Variants in CNTLN observed in about 807,000 individuals in gnomAD.
CNTLN encodes centlein, centrosomal protein.
Under a neutral mutation model 180.0 loss-of-function variants are expected in CNTLN, and 212 were observed. The observed-to-expected ratio is 1.18, with a 90% CI of 1.05 to 1.32. The LOEUF is 1.32. Among genes scored for constraint, CNTLN ranks in the 40% most tolerant of loss-of-function variants. The pLI is 0.00. For missense variants in CNTLN, 2,095 were observed against 1,610.9 expected (o/e 1.30, Z -5.14); for synonymous variants, 722 against 563.1 (o/e 1.28, Z -3.99).
chr9:17,341,474 G>C (rs1480970375), intron 11 of CNTLN, among the ~76,000 whole-genome samples: 1 of 152,152 alleles, frequency 6.6e-6, no homozygotes, highest in Non-Finnish European at 1.5e-5. Flanking sequence ...GGCGGTCTCA[G>C]TTCAATTGCT....
Position 17,394,765 on chromosome 9 carries a change from G to A in CNTLN, c.2311G>A (p.Val771Ile), listed in dbSNP as rs1383246817. ...QVKISELETE[V>I]TSLRRQVAEA... is the part of the protein sequence containing the mutation. The stretch of plus-strand genomic sequence containing the variant: ...AAAAATCAGTGAGCTGGAGACAGAA[G>A]TCACTTCCCTGAGGAGACAAGTGGC... The change falls in exon 15 of 26, where the codon GTC (valine) becomes ATC (isoleucine). Residue 771 changes from valine (V) to isoleucine (I), a missense_variant. Coordinates refer to ENST00000380647, the MANE Select transcript of CNTLN (RefSeq NM_017738.4). 2.5e-6 allele frequency: 4 copies of A among 1,613,972 alleles called. No individual in the cohort carries two copies. Among genetic ancestry groups the A allele is most frequent in the African/African-American group, 2.7e-5 (2 of 75,022 alleles).
At chr9:17,150,788 A>C (rs1818812530) in intron 2 of CNTLN, among the ~76,000 whole-genome samples, 1 of 152,120 alleles carries the variant, frequency 6.6e-6, no homozygotes, top group African/African-American at 2.4e-5. Context: ...GTGAGCATGG[A>C]ATTTTTTTCC....
chr9:17,441,593 CAA>C (rs199758646), intron 18 of CNTLN, among the ~76,000 whole-genome samples: 11 of 90,796 alleles, frequency 1.2e-4, no homozygotes, highest in East Asian at 8.2e-4. Context: ...CGTGTCACTG[CAA>C]AAAAAAAAAA....
chr9:17,363,078 T>C (rs932541542), intron 12 of CNTLN, among the ~76,000 whole-genome samples: 3 of 152,234 alleles, frequency 2.0e-5, no homozygotes, highest in Non-Finnish European at 2.9e-5. Flanking sequence ...TCCTTTTTTA[T>C]GGCTGCATAG....
At chr9:17,424,867 C>T (rs764613135) in intron 18 of CNTLN, among the ~76,000 whole-genome samples, 1 of 152,120 alleles carries the variant, frequency 6.6e-6, no homozygotes, top group Non-Finnish European at 1.5e-5. Flanking sequence ...GATGCCGGAA[C>T]CATGCTCTTA....
intron 12 of CNTLN, among the ~76,000 whole-genome samples, chr9:17,361,387 A>AT: frequency 6.6e-6 from 1 of 152,250 alleles, no homozygotes; most frequent in African/African-American, 2.4e-5. Flanking sequence ...AATGCCTCTG[A>AT]TGTTCAACTA....
rs772748358 is a variant in CNTLN at position 17,409,296 on chromosome 9, T to C, written c.2619T>C (p.Ser873=). The change falls in exon 16 of 26, where the codon AGT becomes AGC. Residue 873 remains serine (S), a synonymous_variant. Transcript: ENST00000380647. ...GTCCCTACTTTTTTCTAAAAAGCAG[T>C]GATTCTGAAGCACAGACCTCTCAAA... ...DGWEDVSESS[S]DSEAQTSQTL... 6 of 1,606,438 alleles carry C rather than the reference T, an allele frequency of 3.7e-6. No homozygotes were observed. Among genetic ancestry groups the C allele is most frequent in the East Asian group, 4.5e-5 (2 of 44,714 alleles).
Position 17,205,886 on chromosome 9 carries a change from C to G in CNTLN, c.450-20317C>G, listed in dbSNP as rs548338646. On this transcript the variant is annotated intron_variant, in intron 2 of 25. Coordinates refer to ENST00000380647, the MANE Select transcript of CNTLN (RefSeq NM_017738.4). ...GGCAGATCAACAGGCCAAAATTCCACCATAACTGCAAACTTAAATGCAGAT... is the reference window on the plus strand; with the variant it reads ...GGCAGATCAACAGGCCAAAATTCCAGCATAACTGCAAACTTAAATGCAGAT... Among the ~76,000 whole-genome samples the G allele has an allele frequency of 2.6e-5, 4 of 152,256 alleles. No homozygotes were observed. In the South Asian group the frequency reaches 8.3e-4, roughly 32 times the overall value.
At chr9:17,358,478 T>C (rs1823026714) in intron 12 of CNTLN, among the ~76,000 whole-genome samples, 2 of 152,122 alleles carry the variant, frequency 1.3e-5, no homozygotes, top group Admixed American at 6.5e-5. Flanking sequence ...TGTAAAAATA[T>C]AGTTACACAT....
intron 18 of CNTLN, among the ~76,000 whole-genome samples, chr9:17,454,726 A>G (rs1293965334): frequency 2.0e-5 from 3 of 152,214 alleles, no homozygotes; most frequent in Non-Finnish European, 4.4e-5. Context: ...TTTGTTAGGT[A>G]GACAAGCACC....
At position 17,322,326 on chromosome 9, in the gene CNTLN, T is replaced by C. The variant is rs1179117927; in HGVS notation, c.1342-8306T>C. On this transcript the variant is annotated intron_variant, in intron 8 of 25. Coordinates refer to ENST00000380647, the MANE Select transcript of CNTLN (RefSeq NM_017738.4). ...CTTTATCTTTTGTAAGTCTTAACTA[T>C]AAACTTTTTTTCTAAAGGCCATTGT... Among the ~76,000 whole-genome samples the C allele has an allele frequency of 1.2e-4, 19 of 152,238 alleles. 1 individual carries two copies. The East Asian group carries it at 3.7e-3, about 29-fold the overall frequency.
chr9:17,487,143 C>CT (rs1280920576), intron 25 of CNTLN, 77 bp downstream of exon 25: 2 of 974,548 alleles, frequency 2.1e-6, no homozygotes, highest in Non-Finnish European at 3.2e-6. Context: ...AGATGTCTAA[C>CT]TTTTTGTAAA....
downstream of CNTLN, among the ~76,000 whole-genome samples, chr9:17,505,849 A>G (rs927046284): frequency 6.6e-6 from 1 of 152,146 alleles, no homozygotes; most frequent in African/African-American, 2.4e-5. Flanking sequence ...ATAGTGGGAG[A>G]CATCACTTTA....
chr9:17,320,316 G>A (rs1395733800), intron 8 of CNTLN, among the ~76,000 whole-genome samples: 2 of 151,838 alleles, frequency 1.3e-5, no homozygotes, highest in Non-Finnish European at 2.9e-5. Context: ...AAGAATAAAT[G>A]TAATGTCTGT....
intron 15 of CNTLN, among the ~76,000 whole-genome samples, chr9:17,408,657 C>G (rs971549427): frequency 6.6e-6 from 1 of 151,982 alleles, no homozygotes; most frequent in Non-Finnish European, 1.5e-5. Flanking sequence ...AAAAATTAGT[C>G]AGGCGTGGTG....
chr9:17,360,052 C>A (rs549561639), intron 12 of CNTLN, among the ~76,000 whole-genome samples: 18 of 151,288 alleles, frequency 1.2e-4, no homozygotes. Context: ...TCTTTTTTTC[C>A]AATTTAAGTA....
At chr9:17,169,357 G>C (rs184805103) in intron 2 of CNTLN, among the ~76,000 whole-genome samples, 4 of 152,114 alleles carry the variant, frequency 2.6e-5, no homozygotes, top group Non-Finnish European at 5.9e-5. Flanking sequence ...TGAATATTAG[G>C]GGTCTCTTTT....
chr9:17,234,612 G>T (rs1350996603), intron 3 of CNTLN, among the ~76,000 whole-genome samples: 1 of 151,776 alleles, frequency 6.6e-6, no homozygotes, highest in Non-Finnish European at 1.5e-5. Context: ...AAAATAAATC[G>T]ATATTTAGGG....
chr9:17,267,404 C>G (rs201990417), intron 5 of CNTLN, among the ~76,000 whole-genome samples: 1 of 152,096 alleles, frequency 6.6e-6, no homozygotes, highest in African/African-American at 2.4e-5. Flanking sequence ...CTGCCGAGAG[C>G]TCCGCTGTTC....
Sources: gnomAD v4.1 joint callset for allele counts (sites outside exome capture counted in the v4.1 genomes callset) on GRCh38, gnomAD v4.1.1 for gene constraint, MANE v1.5 for transcripts, NCBI Gene and HGNC (gene_info 2026-07-23, HGNC 2026-07-21) for gene names.